The following DOP1A variants were observed in gnomAD, a reference collection of about 807,000 sequenced individuals.
The protein encoded by DOP1A is DOP1 leucine zipper like protein A.
Under a neutral mutation model 267.6 loss-of-function variants are expected in DOP1A, and 90 were observed. The observed-to-expected ratio is 0.34, with a 90% confidence interval of 0.28 to 0.40. The LOEUF (loss-of-function observed/expected upper bound fraction) is 0.40, where lower values mean the gene tolerates loss of function less well. Ranked by LOEUF, DOP1A falls within the 10% of genes least tolerant of loss-of-function variation. DOP1A has a pLI of 1.00. For missense variants in DOP1A, 2,437 were observed against 2,900.4 expected (o/e 0.84, Z 3.67); for synonymous variants, 932 against 999.1 (o/e 0.93, Z 1.27).
rs900677379 is a variant in DOP1A, at chr6:83,128,519, A to C, written c.1720-368A>C. 2.0e-5 allele frequency among the ~76,000 whole-genome samples: 3 copies of C among 152,334 alleles called. No homozygotes were observed. The East Asian group carries it at 5.8e-4, about 29-fold the overall frequency. On this transcript the variant is annotated intron_variant, in intron 15 of 38. Transcript: ENST00000349129. The stretch of plus-strand genomic sequence containing the variant: ...TGTGGCCCTGAACAGATGACCTATT[A>C]GATTTTATTTGTAGTTATTAAAATG...
intron 17 of DOP1A, among the ~76,000 whole-genome samples, chr6:83,131,867 C>T (rs1217238574): frequency 1.3e-5 from 2 of 152,106 alleles, no homozygotes; most frequent in Non-Finnish European, 1.5e-5. Flanking sequence ...AAACTCCTGA[C>T]CTCAGGTGAT....
chr6:83,129,600 G>T, intron 16 of DOP1A, 92 bp downstream of exon 16: 1 of 1,242,018 alleles, frequency 8.1e-7, no homozygotes, highest in Non-Finnish European at 1.1e-6. Flanking sequence ...GGTTTTTTTA[G>T]CCAGTTACTT....
At chr6:83,170,412 G>A, downstream of DOP1A, 15 of 1,614,010 alleles carry the variant, frequency 9.3e-6, no homozygotes, top group Non-Finnish European at 1.2e-5. Context: ...ATTGCCTCCT[G>A]TAATCCTGGG....
intron 35 of DOP1A, among the ~76,000 whole-genome samples, chr6:83,157,853 TAC>T (rs1376494435): frequency 6.6e-6 from 1 of 152,124 alleles, no homozygotes; most frequent in Non-Finnish European, 1.5e-5. Flanking sequence ...CCTCAAACCG[TAC>T]ACAGTCATCC....
chr6:83,096,256 A>AT lies in DOP1A; in HGVS notation c.-146-467dup, dbSNP rs1020090099. ...GTGCCACCATGCCTGGCTAATTTTT[A>AT]TTTTTTTTAGAGACAGGATCTCACT... On this transcript the variant is annotated intron_variant, in intron 1 of 38. Transcript: ENST00000349129. 9.3e-5 allele frequency among the ~76,000 whole-genome samples: 14 copies of AT among 150,532 alleles called. No homozygotes were observed. The East Asian group carries it at 1.6e-3, about 17-fold the overall frequency.
chr6:83,161,108 C>T (rs752330509), intron 37 of DOP1A: 3 of 152,088 alleles, frequency 2.0e-5, no homozygotes, highest in African/African-American at 4.8e-5. Flanking sequence ...AACCAAGACA[C>T]TTACCTTCAC....
chr6:83,096,095 G>T (rs1370651737), intron 1 of DOP1A, among the ~76,000 whole-genome samples: 1 of 151,956 alleles, frequency 6.6e-6, no homozygotes, highest in Admixed American at 6.6e-5. Flanking sequence ...AAATAACAAA[G>T]AATTTGTGGA....
In DOP1A at chr6:83,129,462, T is replaced by A. The variant is rs1360965463; in HGVS notation, c.2295T>A (p.Ala765=). The part of the protein sequence containing the change: ...LECSSFPVYI[A]EGNHTSELRS... ...GCTCAAGTTTCCCAGTTTACATTGC[T>A]GAGGGGAACCATACATCAGAGTTAC... Residue 765 remains alanine, a synonymous_variant, in exon 16 of 39, where the codon GCT becomes GCA. Transcript: ENST00000349129. 6.4e-7 allele frequency: 1 copy of A among 1,571,638 alleles called. No homozygotes were observed. Among genetic ancestry groups the A allele is most frequent in the South Asian group, 1.2e-5 (1 of 82,614 alleles).
At chr6:83,159,673 C>T (rs919106993) in intron 36 of DOP1A, 123 bp from the exon 37 acceptor site, 1 of 1,055,270 alleles carries the variant, frequency 9.5e-7, no homozygotes, top group African/African-American at 1.6e-5. Flanking sequence ...CCTTGCTTAG[C>T]AATTACTGGC....
At chr6:83,076,231 A>C (rs1767063480) in intron 1 of DOP1A, among the ~76,000 whole-genome samples, 1 of 152,240 alleles carries the variant, frequency 6.6e-6, no homozygotes, top group Non-Finnish European at 1.5e-5. Context: ...AAACATATGA[A>C]AAGATATTGA....
At chr6:83,123,067 G>A (rs901603743) in intron 12 of DOP1A, 85 bp downstream of exon 12, 5 of 1,414,720 alleles carry the variant, frequency 3.5e-6, no homozygotes, top group Admixed American at 2.7e-5. Context: ...TTTAATGAAT[G>A]TTCTTTTATA....
intron 10 of DOP1A, 39 bp from the exon 11 acceptor site, chr6:83,121,891 C>A: frequency 6.4e-7 from 1 of 1,566,562 alleles, no homozygotes; most frequent in African/African-American, 1.4e-5. Flanking sequence ...TTTGCTCATG[C>A]TGATTAATTA....
chr6:83,133,147 C>A (rs1213346181), intron 18 of DOP1A, among the ~76,000 whole-genome samples: 2 of 151,954 alleles, frequency 1.3e-5, no homozygotes, highest in African/African-American at 2.4e-5. Flanking sequence ...TGTTAAAATT[C>A]TATTTCTGCT....
intron 1 of DOP1A, 122 bp downstream of exon 1, chr6:83,067,901 G>C (rs1235716772): frequency 6.6e-6 from 1 of 152,496 alleles, no homozygotes; most frequent in Admixed American, 6.5e-5. Context: ...TGTGGCGTCG[G>C]GGGTGTTGCC....
chr6:83,081,390 A>G (rs1768045984), intron 1 of DOP1A, among the ~76,000 whole-genome samples: 1 of 152,170 alleles, frequency 6.6e-6, no homozygotes, highest in Non-Finnish European at 1.5e-5. Flanking sequence ...TACAGGTGTG[A>G]GCCACCATGC....
chr6:83,169,416 G>C (rs887258587), downstream of DOP1A: 1 of 1,424,336 alleles, frequency 7.0e-7, no homozygotes. Flanking sequence ...GGGGAAGAGA[G>C]GGGTGATTCT....
chr6:83,088,561 T>G (rs1221749847), intron 1 of DOP1A, among the ~76,000 whole-genome samples: 3 of 151,904 alleles, frequency 2.0e-5, no homozygotes, highest in African/African-American at 7.3e-5. Context: ...TAGCTGGGAT[T>G]ACAGGCATGC....
chr6:83,077,052 G>GA (rs1266957782), intron 1 of DOP1A, among the ~76,000 whole-genome samples: 5 of 152,220 alleles, frequency 3.3e-5, no homozygotes, highest in African/African-American at 1.2e-4. Flanking sequence ...CCCCTTACAT[G>GA]AGGTATCTAA....
intron 38 of DOP1A, chr6:83,166,072 A>G (rs1785448028): frequency 3.1e-6 from 1 of 320,916 alleles, no homozygotes; most frequent in African/African-American, 2.1e-5. Context: ...TTTGGCACAC[A>G]TCACAATCCG....
Sources: allele counts gnomAD v4.1 joint callset (sites outside exome capture counted in the v4.1 genomes callset), GRCh38; gene constraint gnomAD v4.1.1; transcripts MANE v1.5; gene names NCBI Gene and HGNC (gene_info 2026-07-23, HGNC 2026-07-21).